The following ADAM12 variants were observed in gnomAD, a reference collection of about 807,000 sequenced individuals.
ADAM12 encodes disintegrin and metalloproteinase domain-containing protein 12.
A neutral mutation model predicts 106.4 loss-of-function variants in ADAM12; 70 were observed. That is an observed-to-expected ratio of 0.66 (90% CI 0.54 to 0.80). The LOEUF (loss-of-function observed/expected upper bound fraction) is 0.80. ADAM12 is among the 30% of genes least tolerant of loss of function. The pLI is 0.00. For missense variants in ADAM12, 1,010 were observed against 1,171.9 expected (o/e 0.86, Z 2.02); for synonymous variants, 420 against 433.5 (o/e 0.97, Z 0.39).
chr10:126,274,371 G>A (rs979389326), intron 3 of ADAM12, among the ~76,000 whole-genome samples: 1 of 152,186 alleles, frequency 6.6e-6, no homozygotes, highest in Non-Finnish European at 1.5e-5. Flanking sequence ...ACGCTCAGGT[G>A]GCAGTCACCT....
At chr10:126,038,952 CTTTTTTTTTTTT>C (rs34277276) in intron 19 of ADAM12, among the ~76,000 whole-genome samples, 108 of 71,556 alleles carry the variant, frequency 1.5e-3, no homozygotes, top group Admixed American at 1.4e-3. Flanking sequence ...GACACCATTT[CTTTTTTTTTTTT>C]TTTTTTTTTT....
In ADAM12 at chr10:126,184,854, C is replaced by T. The variant is rs573175855; in HGVS notation, c.261-29549G>A. 9.2e-5 allele frequency among the ~76,000 whole-genome samples: 14 copies of T among 152,264 alleles called. No homozygotes were observed. In the South Asian group the frequency reaches 1.7e-3, roughly 18 times the overall value. On this transcript the variant is annotated intron_variant, in intron 3 of 22. Coordinates refer to ENST00000448723, the MANE Select transcript of ADAM12 (RefSeq NM_001288973.2). ...GTACAACAAGGGTACGAGGACGTCA[C>T]GAGCCCTGCCTTATTTCTTCGGGAC...
intron 3 of ADAM12, among the ~76,000 whole-genome samples, chr10:126,155,703 T>C (rs539843429): frequency 1.3e-5 from 2 of 152,256 alleles, no homozygotes; most frequent in South Asian, 4.2e-4. Flanking sequence ...GAAGTCACAG[T>C]CTCCACCAAC....
chr10:126,116,195 C>T (rs35141265), intron 6 of ADAM12, among the ~76,000 whole-genome samples: 6 of 152,164 alleles, frequency 3.9e-5, no homozygotes, highest in Non-Finnish European at 5.9e-5. Flanking sequence ...CAAGTGTGTA[C>T]TTCTATATGA....
chr10:126,307,545 CTTTTT>C (rs931386268), intron 2 of ADAM12, among the ~76,000 whole-genome samples: 16 of 151,792 alleles, frequency 1.1e-4, no homozygotes, highest in Admixed American at 9.2e-4. Context: ...CTTTTCTTTT[CTTTTT>C]TTTGAAACAG....
At position 126,014,312 on chromosome 10, in the gene ADAM12, G is replaced by GTTTTTTTTTTTTTTTTTTT. The variant is rs145629858; in HGVS notation, c.*2966_*2967insAAAAAAAAAAAAAAAAAAA. 1 of 87,672 alleles carries GTTTTTTTTTTTTTTTTTTT rather than the reference G, an allele frequency of 1.1e-5. No homozygotes were observed. The highest frequency in any genetic ancestry group is 4.2e-5 in the African/African-American group (1 of 23,880). 5.4% of individuals were successfully genotyped at this position (87,672 alleles called of 1,614,324 possible). ...AGAACATTTTGACACAGTTTTAGCC[G>GTTTTTTTTTTTTTTTTTTT]GTTTTTTTTTTTTTTTTTTTTTTTT... On this transcript the variant is annotated 3_prime_UTR_variant, in exon 23 of 23. Transcript: ENST00000448723.
chr10:126,041,744 G>C, intron 18 of ADAM12: 1 of 1,043,238 alleles, frequency 9.6e-7, no homozygotes, highest in Non-Finnish European at 1.2e-6. Context: ...TGTCACTGGG[G>C]AAAGGGGACA....
At chr10:126,187,326 T>TAATAA (rs1554983507) in intron 3 of ADAM12, among the ~76,000 whole-genome samples, 3 of 148,490 alleles carry the variant, frequency 2.0e-5, no homozygotes, top group Non-Finnish European at 4.5e-5. Context: ...GGAAATGAAA[T>TAATAA]AAAAAAAAAA....
rs1049791035 is a variant in ADAM12, at chr10:126,201,101, T to C, written c.261-45796A>G. 2.0e-5 allele frequency among the ~76,000 whole-genome samples: 3 copies of C among 152,124 alleles called. No homozygotes were observed. In the South Asian group the frequency reaches 6.2e-4, roughly 32 times the overall value. On this transcript the variant is annotated intron_variant, in intron 3 of 22. Transcript: ENST00000448723. ...TTTCTTCCACAGGCCAAATGGTTAT[T>C]GAACAACGGAGTGAGAAAAAGGGAT...
At chr10:126,228,147 T>C (rs1309538823) in intron 3 of ADAM12, among the ~76,000 whole-genome samples, 1 of 152,118 alleles carries the variant, frequency 6.6e-6, no homozygotes, top group Admixed American at 6.5e-5. Context: ...AATGCTTGGG[T>C]TCTGGAATGA....
chr10:126,178,979 G>A (rs1467792782), intron 3 of ADAM12, among the ~76,000 whole-genome samples: 9 of 152,124 alleles, frequency 5.9e-5, no homozygotes, highest in East Asian at 1.9e-4. Flanking sequence ...CCCAGGAGGC[G>A]GAGGCTGCGG....
At chr10:126,136,543 C>T (rs1956408845) in intron 4 of ADAM12, among the ~76,000 whole-genome samples, 1 of 152,158 alleles carries the variant, frequency 6.6e-6, no homozygotes, top group South Asian at 2.1e-4. Context: ...AGTCTGTCTC[C>T]ACTGCACCCT....
At position 126,017,107 on chromosome 10, in the gene ADAM12, T is replaced by G. The variant is rs999937761; in HGVS notation, c.*172A>C. ...AATAATTTACAAGTACCTGAGCAAG[T>G]AGACAGAGCACCATAGCACAGCACA... is the stretch of plus-strand genomic sequence containing the variant. On this transcript the variant is annotated 3_prime_UTR_variant, in exon 23 of 23. Transcript: ENST00000448723. 3 of 572,368 alleles carry G rather than the reference T, an allele frequency of 5.2e-6. No homozygotes were observed. In the African/African-American group the frequency reaches 5.7e-5, roughly 11 times the overall value. 35.5% of individuals were successfully genotyped at this position (572,368 alleles called of 1,614,324 possible).
intron 3 of ADAM12, among the ~76,000 whole-genome samples, chr10:126,226,433 G>T (rs1257615178): frequency 1.3e-5 from 2 of 152,210 alleles, no homozygotes; most frequent in Non-Finnish European, 2.9e-5. Flanking sequence ...GGGGTGTGAA[G>T]GCAACATGGG....
chr10:126,035,731 T>C (rs764422661), intron 21 of ADAM12, among the ~76,000 whole-genome samples: 15 of 152,126 alleles, frequency 9.9e-5, no homozygotes, highest in Non-Finnish European at 1.9e-4. Flanking sequence ...ATATAGGTGG[T>C]ATAGTTCTTG....
intron 3 of ADAM12, among the ~76,000 whole-genome samples, chr10:126,159,380 T>C (rs1421248260): frequency 1.3e-5 from 2 of 150,066 alleles, no homozygotes; most frequent in Non-Finnish European, 3.0e-5. Context: ...AAAGGAAGAA[T>C]TTAATGTAGA....
intron 8 of ADAM12, among the ~76,000 whole-genome samples, chr10:126,106,260 T>A (rs1012702058): frequency 6.6e-6 from 1 of 152,078 alleles, no homozygotes; most frequent in Non-Finnish European, 1.5e-5. Context: ...GTCCTGCAAA[T>A]GAATAACCTC....
chr10:126,216,641 T>C (rs1289593028), intron 3 of ADAM12, among the ~76,000 whole-genome samples: 1 of 152,260 alleles, frequency 6.6e-6, no homozygotes, highest in Non-Finnish European at 1.5e-5. Context: ...CTGCTTCAAA[T>C]GTTCCTTCCG....
rs570226539 is a variant in ADAM12, at chr10:126,101,768, C to T, written c.742-527G>A. Among the ~76,000 whole-genome samples, 180 of 152,268 alleles carry T rather than the reference C, an allele frequency of 1.2e-3. 1 individual carries two copies. The highest frequency in any genetic ancestry group is 3.0e-3 in the African/African-American group (123 of 41,542). Reference sequence around the variant, plus strand: ...ATCATATTCTGTCACCTATAATCAACGCAGGTTTTAATAAAATAAAGAAGT... The same window carrying T: ...ATCATATTCTGTCACCTATAATCAATGCAGGTTTTAATAAAATAAAGAAGT... On this transcript the variant is annotated intron_variant, in intron 8 of 22. Transcript: ENST00000448723.
Sources: allele counts gnomAD v4.1 joint callset (sites outside exome capture counted in the v4.1 genomes callset), GRCh38; gene constraint gnomAD v4.1.1; transcripts MANE v1.5; gene names NCBI Gene and HGNC (gene_info 2026-07-23, HGNC 2026-07-21).